The following UBR4 variants were observed in gnomAD, a reference collection of about 807,000 sequenced individuals.
UBR4 encodes E3 ubiquitin-protein ligase UBR4.
UBR4 carries 124 observed loss-of-function variants against 575.6 expected under a neutral mutation model. That is an observed-to-expected ratio of 0.22 (90% CI 0.19 to 0.25). The LOEUF (loss-of-function observed/expected upper bound fraction) is 0.25, where lower values mean the gene tolerates loss of function less well. Ranked by LOEUF, UBR4 falls within the 10% of genes least tolerant of loss-of-function variation. The pLI is 1.00. For missense variants in UBR4, 4,818 were observed against 6,478.8 expected, an observed-to-expected ratio of 0.74 and a Z score of 8.80; for synonymous variants, 2,455 against 2,473.7, an observed-to-expected ratio of 0.99 and a Z score of 0.22.
chr1:19,153,579 T>C lies in UBR4; in HGVS notation c.6631-77A>G. On this transcript the variant is annotated intron_variant, in intron 45 of 105. Coordinates refer to ENST00000375254, the MANE Select transcript of UBR4 (RefSeq NM_020765.3). This position sits in a 1 kb window ranked among gnomAD's most constrained non-coding sequence, Gnocchi z 4.1. ...ATCCTCACAGAAAAAGAGGCAGAGA[T>C]GCAACTGGTTTCATGGTCAGTTGAG... 6.4e-7 allele frequency: 1 copy of C among 1,566,604 alleles called. No individual in the cohort carries two copies.
At chr1:19,143,494 G>A (rs573610465) in intron 55 of UBR4, among the ~76,000 whole-genome samples, 2 of 152,246 alleles carry the variant, frequency 1.3e-5, no homozygotes, top group African/African-American at 4.8e-5. Context: ...TGTATTGTGA[G>A]GGAAATTCCT....
chr1:19,120,498 T>A (rs1230234182), intron 68 of UBR4, 150 bp from the exon 69 acceptor site: 1 of 1,018,582 alleles, frequency 9.8e-7, no homozygotes, highest in East Asian at 2.5e-5. Flanking sequence ...CAATTTTTAG[T>A]TGTTTACTGG....
chr1:19,076,037 A>G (rs1232153448), intron 105 of UBR4, among the ~76,000 whole-genome samples: 1 of 152,196 alleles, frequency 6.6e-6, no homozygotes, highest in East Asian at 1.9e-4. Context: ...CTCACAGGGC[A>G]CTGTCTTTTA....
In UBR4 at chr1:19,117,241, G is replaced by A. The variant is rs772332663; in HGVS notation, c.10803C>T (p.Ala3601=). ...NLYYNNRTVQ[A]IVELKNKPAR... ...CGTACTTGTTTTTCAACTCCACGAT[G>A]GCCTGCACGGTTCGGTTGTTATAAT... is the stretch of plus-strand genomic sequence containing the variant. The change falls in exon 73 of 106, where the codon GCC becomes GCT. Residue 3601 remains alanine (A), a synonymous_variant. Transcript: ENST00000375254. The surrounding 1 kb of genome is among the most constrained non-coding windows in gnomAD (Gnocchi z 4.0). The A allele has an allele frequency of 1.2e-6, 2 of 1,613,920 alleles. No individual in the cohort carries two copies. The highest frequency in any genetic ancestry group is 1.1e-5 in the South Asian group (1 of 91,070).
At chr1:19,159,993 G>A (rs2087064319) in intron 39 of UBR4, 118 bp downstream of exon 39, 1 of 1,307,136 alleles carries the variant, frequency 7.7e-7, no homozygotes, top group Non-Finnish European at 1.0e-6. Flanking sequence ...TCTAAGTTTT[G>A]GATGGCCAAG....
intron 20 of UBR4, among the ~76,000 whole-genome samples, chr1:19,175,466 G>C (rs2090139555): frequency 6.6e-6 from 1 of 152,106 alleles, no homozygotes; most frequent in Non-Finnish European, 1.5e-5. Flanking sequence ...CTCACACTAA[G>C]GCTTCACAAA....
At chr1:19,121,129 T>C (rs892176746) in intron 68 of UBR4, 60 bp downstream of exon 68, 1 of 1,575,084 alleles carries the variant, frequency 6.3e-7, no homozygotes, top group Non-Finnish European at 8.6e-7. Context: ...ACAAACCATG[T>C]GCTCCAAGAG....
At chr1:19,081,975 G>A in intron 102 of UBR4, 2 of 585,824 alleles carry the variant, frequency 3.4e-6, no homozygotes, top group South Asian at 4.5e-5. Flanking sequence ...GAGTGATGGG[G>A]CCAAAAACAT....
intron 2 of UBR4, among the ~76,000 whole-genome samples, chr1:19,200,307 T>C (rs1340924026): frequency 6.6e-6 from 1 of 152,130 alleles, no homozygotes; most frequent in Non-Finnish European, 1.5e-5. Flanking sequence ...CATAATGTTT[T>C]AAGAAAGTTT....
Position 19,093,629 on chromosome 1 carries a change from C to T in UBR4, c.13938-143G>A. 1 of 903,304 alleles carries T rather than the reference C, an allele frequency of 1.1e-6. No homozygotes were observed. Among genetic ancestry groups the T allele is most frequent in the Admixed American group, 2.7e-5 (1 of 36,394 alleles). 56.0% of individuals were successfully genotyped at this position (903,304 alleles called of 1,614,324 possible). A position where few individuals can be genotyped will look rare whatever the true frequency, so the allele number is the denominator to read the frequency against. ...TGACACAAAGACCTATCTGCCCCGGCTCCTGCCACTCTCCCTGTTTACCTG... is the reference window on the plus strand; with the variant it reads ...TGACACAAAGACCTATCTGCCCCGGTTCCTGCCACTCTCCCTGTTTACCTG... On this transcript the variant is annotated intron_variant, in intron 95 of 105. Coordinates refer to ENST00000375254, the MANE Select transcript of UBR4 (RefSeq NM_020765.3). This position sits in a 1 kb window ranked among gnomAD's most constrained non-coding sequence, Gnocchi z 4.8.
intron 65 of UBR4, among the ~76,000 whole-genome samples, chr1:19,124,074 C>T (rs2081470229): frequency 6.6e-6 from 1 of 152,214 alleles, no homozygotes; most frequent in Non-Finnish European, 1.5e-5. Context: ...TAATCATCAG[C>T]TTCTCTCACT....
At position 19,106,642 on chromosome 1, in the gene UBR4, T is replaced by A. The variant is rs944085130; in HGVS notation, c.12320A>T (p.Gln4107Leu). The A allele has an allele frequency of 2.5e-6, 4 of 1,609,242 alleles. No homozygotes were observed. Among genetic ancestry groups the A allele is most frequent in the Non-Finnish European group, 3.4e-6 (4 of 1,177,850 alleles). Reference sequence around the variant, plus strand: ...CCTCTTCCCCCGACGACTCAGGAACTGTTTCCACCTCCACACATACTTCTC... The same window carrying A: ...CCTCTTCCCCCGACGACTCAGGAACAGTTTCCACCTCCACACATACTTCTC... ...LTEKYVWRWKQFLSRRGKRTS... is the reference protein window; with the variant it reads ...LTEKYVWRWKLFLSRRGKRTS... Residue 4107 changes from glutamine (Q) to leucine (L), a missense_variant, in exon 83 of 106, where the codon CAG (glutamine) becomes CTG (leucine). Transcript: ENST00000375254.
chr1:19,156,842 G>C lies in UBR4; in HGVS notation c.5844C>G (p.Ala1948=). The part of the protein sequence containing the change: ...RKLTLTRLAS[A]PVPFTVLSLT... The stretch of plus-strand genomic sequence containing the variant: ...GGCTCAACACAGTAAAAGGAACTGG[G>C]GCAGAAGCCAAGCGGGTCAGAGTTA... Residue 1948 remains alanine, a synonymous_variant, in exon 41 of 106, where the codon GCC becomes GCG. Transcript: ENST00000375254. The C allele has an allele frequency of 6.2e-7, 1 of 1,614,172 alleles. No homozygotes were observed. The highest frequency in any genetic ancestry group is 8.5e-7 in the Non-Finnish European group (1 of 1,180,022).
At position 19,084,652 on chromosome 1, in the gene UBR4, A is replaced by C; in HGVS notation, c.14860T>G (p.Tyr4954Asp). The change falls in exon 102 of 106, where the codon TAT (tyrosine) becomes GAT (aspartate). Residue 4954 changes from tyrosine (Y) to aspartate (D), a missense_variant. Coordinates refer to ENST00000375254, the MANE Select transcript of UBR4 (RefSeq NM_020765.3). The stretch of plus-strand genomic sequence containing the variant: ...TTGATGTCATGGATGTTGAGCTGAT[A>C]CGTGGGCTCCCGCTGGCCTGTACAT... Reference protein sequence around the residue: ...QECTGQREPTYQLNIHDIKLL... With the variant: ...QECTGQREPTDQLNIHDIKLL... 6.2e-7 allele frequency: 1 copy of C among 1,614,076 alleles called. No homozygotes were observed. Among genetic ancestry groups the C allele is most frequent in the Non-Finnish European group, 8.5e-7 (1 of 1,179,976 alleles).
At chr1:19,114,697 G>A in intron 75 of UBR4, 114 bp downstream of exon 75, 2 of 1,354,984 alleles carry the variant, frequency 1.5e-6, no homozygotes, top group Non-Finnish European at 2.0e-6. Context: ...CCTGAAACTG[G>A]TGTTGAGTCG....
intron 55 of UBR4, among the ~76,000 whole-genome samples, chr1:19,142,394 A>C (rs2084046436): frequency 6.6e-6 from 1 of 152,216 alleles, no homozygotes. Context: ...TCAGAAGAGG[A>C]TAGAGACCTC....
chr1:19,188,710 A>G (rs1256973253), intron 11 of UBR4, among the ~76,000 whole-genome samples: 1 of 152,202 alleles, frequency 6.6e-6, no homozygotes, highest in Non-Finnish European at 1.5e-5. Context: ...GCTCACATCT[A>G]TTATCCCAGC....
At chr1:19,086,884 G>A in intron 99 of UBR4, 63 bp from the exon 100 acceptor site, 2 of 1,586,522 alleles carry the variant, frequency 1.3e-6, no homozygotes, top group Non-Finnish European at 1.7e-6. Context: ...AGGAGAAGCA[G>A]AATAGAGGGG....
intron 60 of UBR4, 92 bp downstream of exon 60, chr1:19,137,915 A>C: frequency 1.6e-6 from 2 of 1,270,906 alleles, no homozygotes; most frequent in Non-Finnish European, 2.1e-6. Flanking sequence ...TGCTGTTATC[A>C]CTACTCTACC....
Sources: allele counts gnomAD v4.1 joint callset (sites outside exome capture counted in the v4.1 genomes callset), GRCh38; gene constraint gnomAD v4.1.1; non-coding constraint Gnocchi (gnomAD v3.1); transcripts MANE v1.5; gene names NCBI Gene and HGNC (gene_info 2026-07-23, HGNC 2026-07-21).